The following ZNF10 variants were observed in gnomAD, a reference collection of about 807,000 sequenced individuals.
ZNF10 encodes zinc finger protein 10 (KOX 1).
A neutral mutation model predicts 12.2 loss-of-function variants in ZNF10; 8 were observed. The ratio of observed to expected loss-of-function variants is 0.66; its 90% CI spans 0.39 to 1.18. The LOEUF (loss-of-function observed/expected upper bound fraction) is 1.18. Among genes scored for constraint, ZNF10 ranks in the 50% most tolerant of loss-of-function variants. The pLI is 0.01. For missense variants in ZNF10, 603 were observed against 678.9 expected (o/e 0.89, Z 1.24); for synonymous variants, 229 against 228.2 (o/e 1.00, Z -0.03).
intron 3 of ZNF10, 77 bp downstream of exon 3, chr12:133,151,231 A>G (rs1956005230): frequency 7.0e-7 from 1 of 1,430,578 alleles, no homozygotes; most frequent in African/African-American, 1.4e-5. Context: ...CATGTATCAC[A>G]CCAGAGTATA....
At chr12:133,141,368 C>A (rs1173661565) in intron 1 of ZNF10, among the ~76,000 whole-genome samples, 2 of 151,980 alleles carry the variant, frequency 1.3e-5, no homozygotes, top group Admixed American at 1.3e-4. Context: ...AAAACATGGC[C>A]CATAGTGAGG....
chr12:133,133,566 C>G (rs1254435294), intron 1 of ZNF10, among the ~76,000 whole-genome samples: 2 of 152,204 alleles, frequency 1.3e-5, no homozygotes, highest in Non-Finnish European at 1.5e-5. Context: ...GGGCAGAGTC[C>G]TTCATGTTTA....
Position 133,156,319 on chromosome 12 carries a change from T to C in ZNF10, c.1073T>C (p.Phe358Ser). ...LYTCNQCGKS[F>S]VHSSRLIRHQ... ...ACATGTAATCAGTGTGGGAAATCTT[T>C]TGTTCATAGCTCTAGGCTTATTAGA... The change falls in exon 5 of 5, where the codon TTT becomes TCT. Residue 358 changes from phenylalanine to serine, a missense_variant. Physicochemically the swap from Phe to Ser is radical, Grantham distance 155. Transcript: ENST00000248211. 1 of 1,614,158 alleles carries C rather than the reference T, an allele frequency of 6.2e-7. No individual in the cohort carries two copies. The highest frequency in any genetic ancestry group is 8.5e-7 in the Non-Finnish European group (1 of 1,180,020).
Position 133,156,180 on chromosome 12 carries a change from C to A in ZNF10, c.934C>A (p.Gln312Lys). The stretch of plus-strand genomic sequence containing the variant: ...CCGGAGTTCTCACCTCATTGGACAT[C>A]AAAAGACCCATACTGGTGAGGAACC... Reference protein sequence around the residue: ...FSRSSHLIGHQKTHTGEEPYE... With the variant: ...FSRSSHLIGHKKTHTGEEPYE... Residue 312 changes from glutamine to lysine, a missense_variant, in exon 5 of 5, where the codon CAA becomes AAA. Physicochemically the swap from Gln to Lys is moderately conservative, Grantham distance 53 (BLOSUM62 1). This residue lies in a region of ZNF10 where 393 missense variants were observed against 399.7 expected (regional missense o/e 0.98). Transcript: ENST00000248211. The A allele has an allele frequency of 6.2e-7, 1 of 1,613,822 alleles. No individual in the cohort carries two copies. The highest frequency in any genetic ancestry group is 8.5e-7 in the Non-Finnish European group (1 of 1,180,004).
chr12:133,155,722 C>G lies in ZNF10; in HGVS notation c.476C>G (p.Thr159Ser). ...QVAFTQKKVL[T>S]QERVSESGKY... is the part of the protein sequence containing the mutation. ...GCATTCACCCAAAAGAAAGTACTTA[C>G]TCAGGAGAGAGTCTCTGAAAGTGGT... is the stretch of plus-strand genomic sequence containing the variant. The change falls in exon 5 of 5, where the codon ACT becomes AGT. Residue 159 changes from threonine (T) to serine (S), a missense_variant. Physicochemically the swap from Thr to Ser is moderately conservative, Grantham distance 58. Transcript: ENST00000248211. 6.2e-7 allele frequency: 1 copy of G among 1,612,110 alleles called. No homozygotes were observed. Among genetic ancestry groups the G allele is most frequent in the Non-Finnish European group, 8.5e-7 (1 of 1,179,248 alleles).
In ZNF10 at chr12:133,140,218, A is replaced by AG. The variant is rs1955936723; in HGVS notation, c.-59-4216_-59-4215insG. 6.9e-5 allele frequency among the ~76,000 whole-genome samples: 10 copies of AG among 144,992 alleles called. No individual in the cohort carries two copies. The South Asian group carries it at 1.6e-3, about 23-fold the overall frequency. ...ACCCTGTCTCAAAAAAAAAAAAAAAAAAAAAAAAAAAAAGCCAGGTGCAGT... is the reference window on the plus strand; with the variant it reads ...ACCCTGTCTCAAAAAAAAAAAAAAAAGAAAAAAAAAAAAAGCCAGGTGCAGT... On this transcript the variant is annotated intron_variant, in intron 1 of 4. Coordinates refer to ENST00000248211, the MANE Select transcript of ZNF10 (RefSeq NM_015394.5).
intron 4 of ZNF10, 44 bp downstream of exon 4, chr12:133,151,948 G>A: frequency 6.6e-7 from 1 of 1,509,838 alleles, no homozygotes; most frequent in South Asian, 1.1e-5. Context: ...GCCCAGATGG[G>A]CTGTGAGGTG....
At chr12:133,133,325 A>G (rs1457788932) in intron 1 of ZNF10, among the ~76,000 whole-genome samples, 1 of 152,190 alleles carries the variant, frequency 6.6e-6, no homozygotes. Context: ...CATGTACTCC[A>G]TGTCCCCAAG....
intron 4 of ZNF10, among the ~76,000 whole-genome samples, chr12:133,153,088 C>G (rs1193059655): frequency 1.3e-5 from 2 of 151,614 alleles, no homozygotes; most frequent in Non-Finnish European, 2.9e-5. Flanking sequence ...TTTTGTTCAT[C>G]TAGTAAGCTT....
chr12:133,153,378 T>G (rs1956019471), intron 4 of ZNF10, among the ~76,000 whole-genome samples: 1 of 152,140 alleles, frequency 6.6e-6, no homozygotes, highest in Non-Finnish European at 1.5e-5. Context: ...ATGTGGAAGA[T>G]TTTAGGATAT....
intron 1 of ZNF10, among the ~76,000 whole-genome samples, chr12:133,134,695 C>T (rs939887221): frequency 2.6e-5 from 4 of 152,314 alleles, no homozygotes; most frequent in Admixed American, 2.6e-4. Flanking sequence ...CTTTCTCTGG[C>T]ACTATGTTTT....
intron 2 of ZNF10, among the ~76,000 whole-genome samples, chr12:133,149,798 T>G (rs1955997134): frequency 6.6e-6 from 1 of 152,156 alleles, no homozygotes; most frequent in African/African-American, 2.4e-5. Flanking sequence ...CTTTTCCCCC[T>G]TCTTAATTTA....
intron 2 of ZNF10, among the ~76,000 whole-genome samples, chr12:133,145,891 A>C (rs1308912275): frequency 1.3e-5 from 2 of 151,334 alleles, no homozygotes; most frequent in Admixed American, 6.6e-5. Context: ...CCTGATTTCA[A>C]ATCCGGTTCT....
intron 2 of ZNF10, 52 bp from the exon 3 acceptor site, chr12:133,150,976 G>T: frequency 1.3e-6 from 2 of 1,587,366 alleles, no homozygotes; most frequent in African/African-American, 1.3e-5. Context: ...TCAGGAAAGG[G>T]GGATAGCAAA....
In ZNF10 at chr12:133,147,608, GT is replaced by G. The variant is rs149592494; in HGVS notation, c.33+3103del. ...GTAAGAAAACTAGTCTGTTTTCTGA[GT>G]TTTTTTTTTTTTTTTTTTTGGGAGA... On this transcript the variant is annotated intron_variant, in intron 2 of 4. Coordinates refer to ENST00000248211, the MANE Select transcript of ZNF10 (RefSeq NM_015394.5). Among the ~76,000 whole-genome samples, 105 of 117,108 alleles carry G rather than the reference GT, an allele frequency of 9.0e-4. 1 individual carries two copies. Among genetic ancestry groups the G allele is most frequent in the Admixed American group, 1.9e-3 (21 of 10,816 alleles). The allele number at this position is 117,108 out of a possible 152,430, so 76.8% of individuals were successfully genotyped here. A position where few individuals can be genotyped will look rare whatever the true frequency, so the allele number is the denominator to read the frequency against.
At chr12:133,151,995 C>A in intron 4 of ZNF10, 91 bp downstream of exon 4, 1 of 930,364 alleles carries the variant, frequency 1.1e-6, no homozygotes, top group South Asian at 1.5e-5. Context: ...TGGCCCTCCT[C>A]ACAGGCCCTT....
intron 1 of ZNF10, among the ~76,000 whole-genome samples, chr12:133,143,315 T>A (rs1955957022): frequency 6.6e-6 from 1 of 152,038 alleles, no homozygotes; most frequent in Non-Finnish European, 1.5e-5. Flanking sequence ...AATTGGATAC[T>A]TAAAAACAGT....
At chr12:133,140,132 G>A (rs971410995) in intron 1 of ZNF10, among the ~76,000 whole-genome samples, 2 of 149,576 alleles carry the variant, frequency 1.3e-5, no homozygotes, top group Non-Finnish European at 3.0e-5. Flanking sequence ...GAGCCCAGGA[G>A]GTCAAGACTG....
chr12:133,156,678 G>A lies in ZNF10; in HGVS notation c.1432G>A (p.Val478Met). The change falls in exon 5 of 5, where the codon GTG (valine) becomes ATG (methionine). Residue 478 changes from valine (V) to methionine (M), a missense_variant. Val to Met is a conservative substitution (Grantham distance 21). Around this residue, in one of 3 missense-constraint regions of ZNF10, gnomAD observed 204 missense variants for 262.8 expected, o/e 0.78. Transcript: ENST00000248211. ...TTTCAGCCAGAGTTCTGCCCTTATT[G>A]TGCATCAGAGGATACACACTGGAGA... ...KSFSQSSALI[V>M]HQRIHTGEKP... is the part of the protein sequence containing the mutation. 6.2e-7 allele frequency: 1 copy of A among 1,613,886 alleles called. No homozygotes were observed. Among genetic ancestry groups the A allele is most frequent in the Non-Finnish European group, 8.5e-7 (1 of 1,179,964 alleles).
Sources: allele counts gnomAD v4.1 joint callset (sites outside exome capture counted in the v4.1 genomes callset), GRCh38; gene constraint gnomAD v4.1.1; regional missense constraint gnomAD v4.1.1; transcripts MANE v1.5; gene names NCBI Gene and HGNC (gene_info 2026-07-23, HGNC 2026-07-21).